Variants in HNRNPH3 observed in about 807,000 individuals in gnomAD.
The protein encoded by HNRNPH3 is heterogeneous nuclear ribonucleoprotein H3, also known as heterogeneous nuclear ribonucleoprotein 2H9.
Under a neutral mutation model 47.0 loss-of-function variants are expected in HNRNPH3, and 7 were observed. That is an observed-to-expected ratio of 0.15 (90% CI 0.08 to 0.28). The LOEUF (loss-of-function observed/expected upper bound fraction) is 0.28, where lower values mean the gene tolerates loss of function less well. Ranked by LOEUF, HNRNPH3 falls within the 10% of genes least tolerant of loss-of-function variation. The pLI is 1.00. For missense variants in HNRNPH3, 279 were observed against 449.6 expected, an observed-to-expected ratio of 0.62 and a Z score of 3.43; for synonymous variants, 120 against 143.2, an observed-to-expected ratio of 0.84 and a Z score of 1.16.
In HNRNPH3 at chr10:68,338,654, A is replaced by C. The variant is rs764364353; in HGVS notation, c.403A>C (p.Arg135=). ...AGCTGGGCGTGGAAGTATGTATGAC[A>C]GAATGCGACGAGGAGGTGATGGATA... ...YGAGRGSMYD[R]MRRGGDGYDG... Residue 135 remains arginine, a synonymous_variant, in exon 4 of 10, where the codon AGA becomes CGA. Coordinates refer to ENST00000265866, the MANE Select transcript of HNRNPH3 (RefSeq NM_012207.3). The C allele has an allele frequency of 6.2e-7, 1 of 1,602,740 alleles. No individual in the cohort carries two copies. The highest frequency in any genetic ancestry group is 1.1e-5 in the South Asian group (1 of 89,274).
rs2045710819 is a variant in HNRNPH3, at chr10:68,339,317, A to C, written c.523+91A>C. ...AGTGGTAATATAGGAAACTTGTATAAAGTTAATTCAGACAAATTTCAGTGC... is the reference window on the plus strand; with the variant it reads ...AGTGGTAATATAGGAAACTTGTATACAGTTAATTCAGACAAATTTCAGTGC... On this transcript the variant is annotated intron_variant, in intron 5 of 9. Coordinates refer to ENST00000265866, the MANE Select transcript of HNRNPH3 (RefSeq NM_012207.3). The C allele has an allele frequency of 3.2e-6, 5 of 1,566,184 alleles. No homozygotes were observed. In the Admixed American group the frequency reaches 7.3e-5, roughly 23 times the overall value.
At position 68,337,380 on chromosome 10, in the gene HNRNPH3, T is replaced by G; in HGVS notation, c.112+47T>G. ...GTTTAGTAGTATTGTAATTTTATATTTGTATTGTTTTACTGTTTTTAATTT... is the reference window on the plus strand; with the variant it reads ...GTTTAGTAGTATTGTAATTTTATATGTGTATTGTTTTACTGTTTTTAATTT... On this transcript the variant is annotated intron_variant, in intron 2 of 9. Coordinates refer to ENST00000265866, the MANE Select transcript of HNRNPH3 (RefSeq NM_012207.3). The surrounding 1 kb of genome is among the most constrained non-coding windows in gnomAD (Gnocchi z 4.5). The G allele has an allele frequency of 8.7e-7, 1 of 1,144,814 alleles. No individual in the cohort carries two copies. Among genetic ancestry groups the G allele is most frequent in the Non-Finnish European group, 1.3e-6 (1 of 764,442 alleles). 70.9% of individuals were successfully genotyped at this position (1,144,814 alleles called of 1,614,324 possible).
In HNRNPH3 at chr10:68,341,835, T is replaced by G; in HGVS notation, c.948T>G (p.Asp316Glu). Residue 316 changes from aspartate (D) to glutamate (E), a missense_variant, in exon 9 of 10, where the codon GAT becomes GAG. By Grantham distance (45) the Asp-to-Glu change is conservative. Coordinates refer to ENST00000265866, the MANE Select transcript of HNRNPH3 (RefSeq NM_012207.3). ...ACAGTGGAGGATATGGTACTCCTGA[T>G]GGTTTGGGTGGTTATGGTAAGTATC... The part of the protein sequence containing the change: ...NNYSGGYGTP[D>E]GLGGYGRGGG... 6.2e-7 allele frequency: 1 copy of G among 1,609,804 alleles called. No homozygotes were observed. The highest frequency in any genetic ancestry group is 8.5e-7 in the Non-Finnish European group (1 of 1,177,066).
intron 1 of HNRNPH3, among the ~76,000 whole-genome samples, chr10:68,335,939 G>A (rs1280055730): frequency 1.3e-5 from 2 of 152,174 alleles, no homozygotes; most frequent in Admixed American, 1.3e-4. Context: ...TATGTCTAGA[G>A]TGGCACCTAG....
At chr10:68,338,427 ACT>A (rs2045648906) in intron 3 of HNRNPH3, 74 bp from the exon 4 acceptor site, 15 of 821,728 alleles carry the variant, frequency 1.8e-5, no homozygotes, top group Non-Finnish European at 2.6e-5. Flanking sequence ...AGAAAAACTT[ACT>A]GCATTTTGCC....
intron 3 of HNRNPH3, 156 bp from the exon 4 acceptor site, chr10:68,338,345 TAA>T (rs2045644161): frequency 2.1e-6 from 1 of 481,028 alleles, no homozygotes; most frequent in South Asian, 4.2e-5. Flanking sequence ...AATATTTAAT[TAA>T]GTTTGTAGGT....
In HNRNPH3 at chr10:68,337,772, CTT is replaced by C. The variant is rs1302317203; in HGVS notation, c.113-85_113-84del. 3.9e-5 allele frequency: 30 copies of C among 769,290 alleles called. No individual in the cohort carries two copies. The highest frequency in any genetic ancestry group is 8.2e-5 in the Admixed American group (3 of 36,386). 47.7% of individuals were successfully genotyped at this position (769,290 alleles called of 1,614,324 possible). ...TTTGTTTTGTTTTGTTTTGTTTAGACTTGTTTTAAATATTTGATTCAGATGGG... is the reference window on the plus strand; with the variant it reads ...TTTGTTTTGTTTTGTTTTGTTTAGACGTTTTAAATATTTGATTCAGATGGG... On this transcript the variant is annotated intron_variant, in intron 2 of 9. Transcript: ENST00000265866. The surrounding 1 kb of genome is among the most constrained non-coding windows in gnomAD (Gnocchi z 4.5).
At chr10:68,339,108 T>G (rs761082469) in intron 4 of HNRNPH3, 32 bp from the exon 5 acceptor site, 2 of 1,491,234 alleles carry the variant, frequency 1.3e-6, no homozygotes, top group Non-Finnish European at 9.2e-7. Context: ...CTGGAAAGTG[T>G]GTAGTCATGT....
chr10:68,334,118 C>T (rs1475138864), intron 1 of HNRNPH3, among the ~76,000 whole-genome samples: 1 of 152,134 alleles, frequency 6.6e-6, no homozygotes, highest in African/African-American at 2.4e-5. Context: ...TTCTAGTGAA[C>T]TAACATTTTA....
rs145828395 is a variant in HNRNPH3, at chr10:68,338,996, G to C, written c.437-144G>C. 11 of 586,720 alleles carry C rather than the reference G, an allele frequency of 1.9e-5. No individual in the cohort carries two copies. The East Asian group carries it at 3.2e-4, about 17-fold the overall frequency. 36.3% of individuals were successfully genotyped at this position (586,720 alleles called of 1,614,324 possible). Reference sequence around the variant, plus strand: ...ATTTTAAATTTCCATCACGTTGACTGCTTTTTTCATAGGTTTTAAGTTGGG... The same window carrying C: ...ATTTTAAATTTCCATCACGTTGACTCCTTTTTTCATAGGTTTTAAGTTGGG... On this transcript the variant is annotated intron_variant, in intron 4 of 9. Coordinates refer to ENST00000265866, the MANE Select transcript of HNRNPH3 (RefSeq NM_012207.3).
intron 1 of HNRNPH3, chr10:68,333,124 G>C (rs1024368012): frequency 6.8e-6 from 1 of 147,596 alleles, no homozygotes; most frequent in East Asian, 2.0e-4. Flanking sequence ...TTTTCCAAAG[G>C]GTTTTTTTTT....
chr10:68,338,934 TTTAA>T, intron 4 of HNRNPH3: 2 of 523,544 alleles, frequency 3.8e-6, no homozygotes, highest in Non-Finnish European at 6.5e-6. Context: ...AAGGATGAAA[TTTAA>T]TTTACATGTC....
chr10:68,340,867 A>T (rs1039304023), intron 6 of HNRNPH3, among the ~76,000 whole-genome samples: 1 of 151,122 alleles, frequency 6.6e-6, no homozygotes, highest in African/African-American at 2.4e-5. Context: ...CAGTGGCGTG[A>T]TCTCTGCTTA....
At chr10:68,333,399 T>TAC (rs1435709567) in intron 1 of HNRNPH3, among the ~76,000 whole-genome samples, 2 of 152,176 alleles carry the variant, frequency 1.3e-5, no homozygotes, top group African/African-American at 2.4e-5. Context: ...GGTAGATGTG[T>TAC]GTGTATTGAA....
intron 1 of HNRNPH3, among the ~76,000 whole-genome samples, chr10:68,335,745 G>T (rs915528387): frequency 1.2e-4 from 18 of 152,150 alleles, no homozygotes; most frequent in African/African-American, 4.1e-4. Flanking sequence ...CACTTGAATA[G>T]TCCAGTGAGG....
chr10:68,338,698 C>G lies in HNRNPH3; in HGVS notation c.436+11C>G. On this transcript the variant is annotated intron_variant, in intron 4 of 9. Transcript: ENST00000265866. The stretch of plus-strand genomic sequence containing the variant: ...ATGGATATGATGGTGGTATGTGTAT[C>G]TAATGAACAAAGGTTCTGTTGTCAT... 6.5e-7 allele frequency: 1 copy of G among 1,547,628 alleles called. No individual in the cohort carries two copies. Among genetic ancestry groups the G allele is most frequent in the Admixed American group, 2.0e-5 (1 of 49,204 alleles).
In HNRNPH3 at chr10:68,341,796, A is replaced by T; in HGVS notation, c.909A>T (p.Gly303=). The change falls in exon 9 of 10, where the codon GGA becomes GGT. Residue 303 remains glycine (G), a synonymous_variant. Transcript: ENST00000265866. ...GCTATGGATCAGTTGGAAGAATGGG[A>T]ATGGGGAACAATTACAGTGGAGGAT... ...QGGYGSVGRM[G]MGNNYSGGYG... is the part of the protein sequence containing the mutation. 2 of 1,609,928 alleles carry T rather than the reference A, an allele frequency of 1.2e-6. No individual in the cohort carries two copies. Among genetic ancestry groups the T allele is most frequent in the Non-Finnish European group, 8.5e-7 (1 of 1,178,458 alleles).
chr10:68,333,045 G>C lies in HNRNPH3; in HGVS notation c.-24+829G>C, dbSNP rs912235477. The C allele has an allele frequency of 2.0e-5, 3 of 152,110 alleles. No individual in the cohort carries two copies. The East Asian group carries it at 5.8e-4, about 29-fold the overall frequency. 9.4% of individuals were successfully genotyped at this position (152,110 alleles called of 1,614,324 possible). A position where few individuals can be genotyped will look rare whatever the true frequency, so the allele number is the denominator to read the frequency against. ...AGCTAGATAAACGGAAAGTCTCCTG[G>C]GAGGAATAAAGGACGCTTAGCCGGC... is the stretch of plus-strand genomic sequence containing the variant. On this transcript the variant is annotated intron_variant, in intron 1 of 9. Transcript: ENST00000265866.
chr10:68,342,093 C>G lies in HNRNPH3; in HGVS notation c.*39C>G. On this transcript the variant is annotated 3_prime_UTR_variant, in exon 10 of 10. Coordinates refer to ENST00000265866, the MANE Select transcript of HNRNPH3 (RefSeq NM_012207.3). ...AACATACAAGTCTTGACAACAGCATCTGGTCTACTAGACTTTCTTACAGAT... is the reference window on the plus strand; with the variant it reads ...AACATACAAGTCTTGACAACAGCATGTGGTCTACTAGACTTTCTTACAGAT... 2 of 1,432,032 alleles carry G rather than the reference C, an allele frequency of 1.4e-6. No homozygotes were observed. The highest frequency in any genetic ancestry group is 2.0e-6 in the Non-Finnish European group (2 of 1,025,144). 88.7% of individuals were successfully genotyped at this position (1,432,032 alleles called of 1,614,324 possible). A position where few individuals can be genotyped will look rare whatever the true frequency, so the allele number is the denominator to read the frequency against.
Sources: gnomAD v4.1 joint callset for allele counts (sites outside exome capture counted in the v4.1 genomes callset) on GRCh38, gnomAD v4.1.1 for gene constraint, Gnocchi (gnomAD v3.1) non-coding constraint, MANE v1.5 for transcripts, NCBI Gene and HGNC (gene_info 2026-07-23, HGNC 2026-07-21) for gene names.